Variants in CCSER1 observed in about 807,000 individuals in gnomAD.
The protein encoded by CCSER1 is coiled-coil serine rich protein 1, also known as serine-rich coiled-coil domain-containing protein 1.
CCSER1 carries 41 observed loss-of-function variants against 82.0 expected under a neutral mutation model. The observed-to-expected ratio is 0.50, with a 90% confidence interval of 0.39 to 0.65. The LOEUF (loss-of-function observed/expected upper bound fraction) is 0.65, where lower values mean the gene tolerates loss of function less well. Among genes scored for constraint, CCSER1 ranks in the 30% least tolerant of loss-of-function variants. CCSER1 has a pLI of 0.00. For synonymous variants in CCSER1, 414 were observed against 383.9 expected (o/e 1.08, Z -0.92); for missense variants, 1,119 against 1,064.2 (o/e 1.05, Z -0.72).
chr4:90,209,639 T>A (rs1195360428), intron 1 of CCSER1, among the ~76,000 whole-genome samples: 2 of 152,178 alleles, frequency 1.3e-5, no homozygotes, highest in Non-Finnish European at 2.9e-5. Context: ...TATAATAACA[T>A]GTTTTCTGTG....
intron 9 of CCSER1, among the ~76,000 whole-genome samples, chr4:90,982,239 A>G (rs549421279): frequency 6.6e-6 from 1 of 151,844 alleles, no homozygotes; most frequent in Non-Finnish European, 1.5e-5. Flanking sequence ...TTGCTGTAAC[A>G]TCACATGACA....
At chr4:90,395,643 T>G (rs1050337675) in intron 3 of CCSER1, among the ~76,000 whole-genome samples, 1 of 151,794 alleles carries the variant, frequency 6.6e-6, no homozygotes, top group Non-Finnish European at 1.5e-5. Flanking sequence ...TAAACTCTAC[T>G]TGCTATGTGC....
At chr4:90,366,315 ATTGTGTGTGTATT>A (rs1746280140) in intron 3 of CCSER1, among the ~76,000 whole-genome samples, 1 of 150,732 alleles carries the variant, frequency 6.6e-6, no homozygotes, top group African/African-American at 2.4e-5. Context: ...AATCAATATC[ATTGTGTGTGTATT>A]TTCTCTTTTT....
chr4:90,597,318 A>G (rs948214536), intron 5 of CCSER1, among the ~76,000 whole-genome samples: 6 of 152,028 alleles, frequency 3.9e-5, no homozygotes, highest in African/African-American at 1.4e-4. Context: ...TCCCAACTGA[A>G]CATGTGTTAT....
rs138418823 is a variant in CCSER1, at chr4:90,499,589, A to G, written c.1724+31235A>G. The stretch of plus-strand genomic sequence containing the variant: ...ATGGTTTTGTTTTTATTTTTTTCAC[A>G]CTATCTATTTGCCTGAGCTTGTATG... On this transcript the variant is annotated intron_variant, in intron 5 of 10. Transcript: ENST00000509176. Among the ~76,000 whole-genome samples, 1,103 of 152,160 alleles carry G rather than the reference A, an allele frequency of 7.2e-3. 9 individuals carry two copies. The highest frequency in any genetic ancestry group is 0.022 in the South Asian group (106 of 4,828).
intron 10 of CCSER1, among the ~76,000 whole-genome samples, chr4:91,477,731 A>G (rs1488904629): frequency 2.0e-5 from 3 of 151,782 alleles, no homozygotes; most frequent in South Asian, 4.1e-4. Context: ...TTTATCTTTC[A>G]CTTGTGGCTT....
chr4:90,663,860 A>G, intron 6 of CCSER1: 1 of 367,076 alleles, frequency 2.7e-6, no homozygotes, highest in Non-Finnish European at 5.7e-6. Flanking sequence ...CTTGTCAAGG[A>G]TGAGTGTTTC....
rs529312875 is a variant in CCSER1 at position 90,227,836 on chromosome 4, T to C, written c.-41-80408T>C. Among the ~76,000 whole-genome samples, 29 of 152,326 alleles carry C rather than the reference T, an allele frequency of 1.9e-4. No homozygotes were observed. The South Asian group carries it at 3.3e-3, about 17-fold the overall frequency. ...AAGCGCAAAGAGTCAGGGAGTTCCCTTTCCTAGTCAAAGAAAGGGGTGACA... is the reference window on the plus strand; with the variant it reads ...AAGCGCAAAGAGTCAGGGAGTTCCCCTTCCTAGTCAAAGAAAGGGGTGACA... On this transcript the variant is annotated intron_variant, in intron 1 of 10. Coordinates refer to ENST00000509176, the MANE Select transcript of CCSER1 (RefSeq NM_001145065.2).
chr4:90,713,902 C>T (rs1235610179), intron 6 of CCSER1, among the ~76,000 whole-genome samples: 1 of 151,990 alleles, frequency 6.6e-6, no homozygotes, highest in East Asian at 1.9e-4. Flanking sequence ...AGTGTTCAAG[C>T]TCTGAAATTC....
At chr4:90,845,267 CAG>C (rs1763074617) in intron 8 of CCSER1, among the ~76,000 whole-genome samples, 1 of 145,136 alleles carries the variant, frequency 6.9e-6, no homozygotes. Context: ...GCGGCTAAGA[CAG>C]AAAAATCGCT....
intron 10 of CCSER1, among the ~76,000 whole-genome samples, chr4:91,551,231 T>A (rs1310108462): frequency 6.6e-6 from 1 of 152,120 alleles, no homozygotes; most frequent in East Asian, 1.9e-4. Flanking sequence ...AGGCAATACT[T>A]ATGTTATTGT....
intron 7 of CCSER1, among the ~76,000 whole-genome samples, chr4:90,799,901 A>G (rs906289458): frequency 2.0e-5 from 3 of 152,136 alleles, no homozygotes; most frequent in African/African-American, 7.2e-5. Context: ...CCATGGTGAG[A>G]GCAGACTGCC....
At position 90,232,228 on chromosome 4, in the gene CCSER1, C is replaced by A. The variant is rs1578644384; in HGVS notation, c.-41-76016C>A. ...CACTACCTGACTTCAAACTATACTA[C>A]AAGGCTACAGTAACCAAAACAGCAT... On this transcript the variant is annotated intron_variant, in intron 1 of 10. Coordinates refer to ENST00000509176, the MANE Select transcript of CCSER1 (RefSeq NM_001145065.2). Among the ~76,000 whole-genome samples, 6 of 151,988 alleles carry A rather than the reference C, an allele frequency of 3.9e-5. 1 individual carries two copies. Among genetic ancestry groups the A allele is most frequent in the Admixed American group, 3.9e-4 (6 of 15,264 alleles).
intron 10 of CCSER1, among the ~76,000 whole-genome samples, chr4:91,500,314 C>T (rs1270851774): frequency 6.6e-6 from 1 of 151,952 alleles, no homozygotes; most frequent in Non-Finnish European, 1.5e-5. Context: ...TCTTTAAAAT[C>T]AGGTTATTTG....
intron 8 of CCSER1, among the ~76,000 whole-genome samples, chr4:90,821,152 T>A (rs957613162): frequency 3.3e-5 from 5 of 152,198 alleles, no homozygotes; most frequent in Non-Finnish European, 7.3e-5. Flanking sequence ...TATTACAGTA[T>A]CATTTCAATC....
intron 1 of CCSER1, among the ~76,000 whole-genome samples, chr4:90,180,929 C>T (rs929239185): frequency 6.6e-6 from 1 of 152,116 alleles, no homozygotes; most frequent in Non-Finnish European, 1.5e-5. Flanking sequence ...CTACTGTTTA[C>T]TAGCTAGATA....
intron 9 of CCSER1, among the ~76,000 whole-genome samples, chr4:91,073,072 G>A (rs957524452): frequency 6.6e-6 from 1 of 151,930 alleles, no homozygotes; most frequent in African/African-American, 2.4e-5. Flanking sequence ...AATGGGACGT[G>A]AACAACAATT....
chr4:91,483,235 G>GGTAC (rs1758042971), intron 10 of CCSER1, among the ~76,000 whole-genome samples: 1 of 152,024 alleles, frequency 6.6e-6, no homozygotes, highest in African/African-American at 2.4e-5. Context: ...AGATGCTGAT[G>GGTAC]GTACATACAG....
chr4:90,382,641 C>T (rs960502341), intron 3 of CCSER1, among the ~76,000 whole-genome samples: 1 of 152,040 alleles, frequency 6.6e-6, no homozygotes, highest in African/African-American at 2.4e-5. Context: ...AATAAAAGCA[C>T]TCTGTAATTG....
Sources: gnomAD v4.1 joint callset for allele counts (sites outside exome capture counted in the v4.1 genomes callset) on GRCh38, gnomAD v4.1.1 for gene constraint, MANE v1.5 for transcripts, NCBI Gene and HGNC (gene_info 2026-07-23, HGNC 2026-07-21) for gene names.